Variants in DGKH observed in about 807,000 individuals in gnomAD.
DGKH encodes DAG kinase eta.
A neutral mutation model predicts 159.3 loss-of-function variants in DGKH; 90 were observed. The ratio of observed to expected loss-of-function variants is 0.57; its 90% CI spans 0.48 to 0.67. The LOEUF is 0.67. Among genes scored for constraint, DGKH ranks in the 30% least tolerant of loss-of-function variants. The pLI is 0.00. For synonymous variants in DGKH, 536 were observed against 553.8 expected (o/e 0.97, Z 0.45); for missense variants, 1,181 against 1,506.1 (o/e 0.78, Z 3.57).
intron 29 of DGKH, among the ~76,000 whole-genome samples, chr13:42,227,745 G>C (rs1433968638): frequency 2.0e-5 from 3 of 152,196 alleles, no homozygotes; most frequent in Non-Finnish European, 4.4e-5. Context: ...ATTGGCTATG[G>C]AAAGAGTATT....
At chr13:42,243,970 T>G (rs980565098), downstream of DGKH, among the ~76,000 whole-genome samples, 2 of 152,114 alleles carry the variant, frequency 1.3e-5, no homozygotes, top group Non-Finnish European at 2.9e-5. Context: ...AGTGCAGTTT[T>G]AGTGGAAATG....
chr13:42,254,746 C>G (rs1390097510), intron 30 of DGKH, among the ~76,000 whole-genome samples: 1 of 151,890 alleles, frequency 6.6e-6, no homozygotes, highest in Non-Finnish European at 1.5e-5. Flanking sequence ...CTTTATAATC[C>G]TATTTTGAAT....
intron 1 of DGKH, among the ~76,000 whole-genome samples, chr13:42,102,674 G>A (rs1954674416): frequency 6.6e-6 from 1 of 152,242 alleles, no homozygotes; most frequent in Non-Finnish European, 1.5e-5. Flanking sequence ...AGATGGGGGA[G>A]AGGAGAGACA....
chr13:42,119,496 C>T (rs1955025869), intron 1 of DGKH, among the ~76,000 whole-genome samples: 1 of 152,214 alleles, frequency 6.6e-6, no homozygotes. Context: ...GTTCTGAACA[C>T]GGTGAGATGG....
chr13:42,140,773 C>T (rs965494195), intron 3 of DGKH: 2 of 151,986 alleles, frequency 1.3e-5, no homozygotes, highest in Non-Finnish European at 2.9e-5. Flanking sequence ...TAGATTGACT[C>T]TCACTTCTGG....
intron 20 of DGKH, among the ~76,000 whole-genome samples, chr13:42,201,788 G>A (rs1162635818): frequency 6.6e-6 from 1 of 152,044 alleles, no homozygotes; most frequent in African/African-American, 2.4e-5. Flanking sequence ...TAATATATGT[G>A]TTTCATCGTT....
chr13:42,073,172 G>A (rs191284836), intron 1 of DGKH, among the ~76,000 whole-genome samples: 1 of 152,282 alleles, frequency 6.6e-6, no homozygotes, highest in African/African-American at 2.4e-5. Context: ...TATCTATTTG[G>A]TAAGAGGAAT....
chr13:42,254,114 T>C (rs1241299032), intron 30 of DGKH, among the ~76,000 whole-genome samples: 1 of 152,104 alleles, frequency 6.6e-6, no homozygotes, highest in Non-Finnish European at 1.5e-5. Flanking sequence ...CAACATAAAT[T>C]AAAATTATCT....
intron 25 of DGKH, 59 bp from the exon 26 acceptor site, chr13:42,215,516 A>G (rs1241489506): frequency 7.9e-7 from 1 of 1,260,172 alleles, no homozygotes; most frequent in African/African-American, 1.5e-5. Context: ...TAAAGTGTTT[A>G]TGGTAATGAA....
chr13:42,073,960 G>A (rs1043902269), intron 1 of DGKH, among the ~76,000 whole-genome samples: 3 of 152,190 alleles, frequency 2.0e-5, no homozygotes, highest in African/African-American at 7.2e-5. Context: ...ACTCTGCTAT[G>A]AAGCGTCCAC....
At chr13:42,184,452 T>C (rs1434009142) in intron 13 of DGKH, among the ~76,000 whole-genome samples, 1 of 152,114 alleles carries the variant, frequency 6.6e-6, no homozygotes, top group Non-Finnish European at 1.5e-5. Context: ...AATCATCAGG[T>C]ATGTGAAATG....
intron 3 of DGKH, among the ~76,000 whole-genome samples, chr13:42,151,350 G>A (rs1955877805): frequency 1.3e-5 from 2 of 151,272 alleles, no homozygotes; most frequent in Admixed American, 6.6e-5. Context: ...TAACTCCCAC[G>A]TATAAGTGAG....
chr13:42,178,092 A>G (rs1344668781), intron 12 of DGKH, 43 bp from the exon 13 acceptor site: 3 of 1,475,868 alleles, frequency 2.0e-6, no homozygotes, highest in South Asian at 2.6e-5. Context: ...AGTTGTATAA[A>G]TGCCAGCAAC....
At chr13:42,255,839 A>G in intron 30 of DGKH, 1 of 670,802 alleles carries the variant, frequency 1.5e-6, no homozygotes, top group Non-Finnish European at 2.5e-6. Context: ...TAAAAAGGGC[A>G]GCCCATTTTT....
chr13:42,214,851 A>G (rs1018877859), intron 25 of DGKH, among the ~76,000 whole-genome samples: 3 of 151,736 alleles, frequency 2.0e-5, no homozygotes, highest in Non-Finnish European at 2.9e-5. Flanking sequence ...GTCACCTTCC[A>G]TCTGTCTTCA....
chr13:42,174,514 C>T (rs914353851), intron 12 of DGKH, among the ~76,000 whole-genome samples: 25 of 152,164 alleles, frequency 1.6e-4, no homozygotes, highest in African/African-American at 5.1e-4. Flanking sequence ...TGCCTGTTTC[C>T]GTTTTATCAG....
At chr13:42,209,569 C>A in intron 23 of DGKH, 104 bp downstream of exon 23, 1 of 1,282,762 alleles carries the variant, frequency 7.8e-7, no homozygotes, top group South Asian at 1.8e-5. Flanking sequence ...TCTCTTAAAT[C>A]TGACATTTAG....
chr13:42,137,504 C>T (rs1252544113), intron 3 of DGKH, among the ~76,000 whole-genome samples: 2 of 152,214 alleles, frequency 1.3e-5, no homozygotes, highest in African/African-American at 2.4e-5. Context: ...CTGTCCACAT[C>T]ATCTGGCCTC....
intron 1 of DGKH, chr13:42,066,056 CCTGA>C (rs1326729791): frequency 3.3e-5 from 5 of 152,100 alleles, no homozygotes; most frequent in African/African-American, 1.2e-4. Flanking sequence ...TACCACAATG[CCTGA>C]CTAATTTTCT....
Sources: allele counts gnomAD v4.1 joint callset (sites outside exome capture counted in the v4.1 genomes callset), GRCh38; gene constraint gnomAD v4.1.1; transcripts MANE v1.5; gene names NCBI Gene and HGNC (gene_info 2026-07-23, HGNC 2026-07-21).